Variants in RGL1 observed in about 807,000 individuals in gnomAD.
The protein encoded by RGL1 is ral guanine nucleotide dissociation stimulator like 1, also known as ral guanine nucleotide dissociation stimulator-like 1.
RGL1 carries 24 observed loss-of-function variants against 95.2 expected under a neutral mutation model. The observed-to-expected ratio is 0.25, with a 90% confidence interval of 0.18 to 0.35. RGL1 has a LOEUF of 0.35. RGL1 is among the 10% of genes least tolerant of loss of function. RGL1 has a pLI of 1.00. For missense variants in RGL1, 715 were observed against 936.3 expected, an observed-to-expected ratio of 0.76 and a Z score of 3.08; for synonymous variants, 329 against 344.9, an observed-to-expected ratio of 0.95 and a Z score of 0.51.
At position 183,658,391 on chromosome 1, in the gene RGL1, G is replaced by A. The variant is rs12095136; in HGVS notation, c.-33+21890G>A. ...TTTTCCAACAGGCTTAAAAAACGGC[G>A]CACCAGGAGATTATGTCCCGCACCT... On this transcript the variant is annotated intron_variant, in intron 1 of 18. Coordinates refer to the RGL1 transcript ENST00000304685. Among the ~76,000 whole-genome samples, 401 of 152,298 alleles carry A rather than the reference G, an allele frequency of 2.6e-3. 9 individuals are homozygous for A. The East Asian group carries it at 0.043, about 16-fold the overall frequency.
At chr1:183,657,268 A>G (rs950454387) in intron 1 of RGL1, among the ~76,000 whole-genome samples, 9 of 152,156 alleles carry the variant, frequency 5.9e-5, no homozygotes, top group African/African-American at 9.7e-5. Flanking sequence ...TACAGTTTTC[A>G]GTGTATAAAT....
intron 11 of RGL1, among the ~76,000 whole-genome samples, chr1:183,900,969 A>T (rs950939267): frequency 3.3e-5 from 5 of 151,510 alleles, no homozygotes; most frequent in Admixed American, 6.6e-5. Context: ...GTTCAAGACC[A>T]GCCTGGCCAA....
At chr1:183,788,138 C>A (rs565662867) in intron 2 of RGL1, among the ~76,000 whole-genome samples, 16 of 152,300 alleles carry the variant, frequency 1.1e-4, no homozygotes, top group African/African-American at 3.9e-4. Context: ...TCAGGGTTCA[C>A]TACAGATACA....
At chr1:183,897,982 C>A in intron 10 of RGL1, 85 bp downstream of exon 10, 1 of 1,104,078 alleles carries the variant, frequency 9.1e-7, no homozygotes, top group Non-Finnish European at 1.4e-6. Flanking sequence ...CTGGCACCTT[C>A]AGTCAACAGG....
Position 183,888,581 on chromosome 1 carries a change from A to G in RGL1, c.1055+4A>G. On this transcript the variant is annotated splice_donor_region_variant and intron_variant, in intron 8 of 17. Transcript: ENST00000360851. ...AGACTTGGGCTGCCGTCCCAAGGTA[A>G]GTTCCCAAGTGTTTGCTCTGCTTTT... The G allele has an allele frequency of 8.9e-6, 14 of 1,580,722 alleles. No individual in the cohort carries two copies. Among genetic ancestry groups the G allele is most frequent in the Non-Finnish European group, 1.2e-5 (14 of 1,149,780 alleles).
intron 2 of RGL1, among the ~76,000 whole-genome samples, chr1:183,749,245 T>C (rs1467106316): frequency 6.6e-6 from 1 of 152,188 alleles, no homozygotes; most frequent in Non-Finnish European, 1.5e-5. Flanking sequence ...TGTTATTTTG[T>C]GGGAGTCTAA....
chr1:183,849,482 A>AATTTTTTTTTTTTTTTTTTTTTTTTTT lies in RGL1; in HGVS notation c.347+1708_347+1709insATTTTTTTTTTTTTTTTTTTTTTTTTT, dbSNP rs150367802. Among the ~76,000 whole-genome samples the AATTTTTTTTTTTTTTTTTTTTTTTTTT allele has an allele frequency of 3.0e-5, 3 of 99,362 alleles. 1 individual carries two copies. The allele number at this position is 99,362 out of a possible 152,430, so 65.2% of individuals were successfully genotyped here. ...GACATTTAAGTTTTCTCCAGTTTTT[A>AATTTTTTTTTTTTTTTTTTTTTTTTTT]GTTTTTTTTTTTTTTTTTTTTTTTG... On this transcript the variant is annotated intron_variant, in intron 3 of 17. Coordinates refer to ENST00000360851, the MANE Select transcript of RGL1 (RefSeq NM_001297671.3).
At chr1:183,681,975 C>G (rs776801911) in intron 1 of RGL1, among the ~76,000 whole-genome samples, 1 of 152,166 alleles carries the variant, frequency 6.6e-6, no homozygotes, top group Non-Finnish European at 1.5e-5. Flanking sequence ...ATAGTATTCT[C>G]TGATGGTAGT....
chr1:183,834,476 T>C (rs1443348170), intron 2 of RGL1, among the ~76,000 whole-genome samples: 1 of 152,194 alleles, frequency 6.6e-6, no homozygotes, highest in Non-Finnish European at 1.5e-5. Context: ...TCTGTGAGGC[T>C]CCTGCTTATT....
At chr1:183,644,582 C>T (rs763669697) in intron 1 of RGL1, among the ~76,000 whole-genome samples, 5 of 152,100 alleles carry the variant, frequency 3.3e-5, no homozygotes, top group East Asian at 1.9e-4. Flanking sequence ...GTAGCCACCA[C>T]GCCTGGCCGA....
chr1:183,896,115 C>T (rs1338642232), intron 9 of RGL1, among the ~76,000 whole-genome samples: 1 of 152,234 alleles, frequency 6.6e-6, no homozygotes, highest in African/African-American at 2.4e-5. Context: ...AAGAGGTGGG[C>T]ACTCTTATTC....
At chr1:183,689,870 G>T (rs1176584487) in intron 1 of RGL1, among the ~76,000 whole-genome samples, 1 of 152,162 alleles carries the variant, frequency 6.6e-6, no homozygotes, top group East Asian at 1.9e-4. Context: ...GGTGCTGTGG[G>T]GGAAACTGCA....
At chr1:183,699,743 G>A (rs2102137815) in intron 1 of RGL1, among the ~76,000 whole-genome samples, 1 of 152,148 alleles carries the variant, frequency 6.6e-6, no homozygotes, top group South Asian at 2.1e-4. Flanking sequence ...CTAATACTCT[G>A]TCCCTTGTAC....
rs139744598 is a variant in RGL1 at position 183,719,390 on chromosome 1, C to G, written c.-32-22736C>G. 9.9e-5 allele frequency among the ~76,000 whole-genome samples: 15 copies of G among 152,284 alleles called. No homozygotes were observed. The East Asian group carries it at 2.7e-3, about 27-fold the overall frequency. On this transcript the variant is annotated intron_variant, in intron 1 of 18. Transcript: ENST00000304685. ...TACAGATTTTCCTTCTCTCCCTGTG[C>G]ACGTGTACCTCTAGAGTGTAGGGAG... is the stretch of plus-strand genomic sequence containing the variant.
intron 1 of RGL1, among the ~76,000 whole-genome samples, chr1:183,695,396 C>T (rs1558157564): frequency 6.6e-6 from 1 of 152,178 alleles, no homozygotes; most frequent in African/African-American, 2.4e-5. Context: ...ACTTGCTAGA[C>T]TCGTAAAGCA....
At chr1:183,863,800 C>G (rs1171220231) in intron 3 of RGL1, among the ~76,000 whole-genome samples, 2 of 152,068 alleles carry the variant, frequency 1.3e-5, no homozygotes, top group Non-Finnish European at 2.9e-5. Flanking sequence ...TATCCATGGC[C>G]CTTATTGGTG....
chr1:183,833,389 A>G (rs1663397360), intron 2 of RGL1, among the ~76,000 whole-genome samples: 1 of 152,190 alleles, frequency 6.6e-6, no homozygotes, highest in African/African-American at 2.4e-5. Flanking sequence ...ATCAATAGAG[A>G]TTCTGCAGTT....
chr1:183,838,172 G>T (rs567654415), intron 2 of RGL1, among the ~76,000 whole-genome samples: 1 of 152,310 alleles, frequency 6.6e-6, no homozygotes, highest in Non-Finnish European at 1.5e-5. Context: ...ATTTAAATTT[G>T]CTTTCTGGGA....
intron 1 of RGL1, among the ~76,000 whole-genome samples, chr1:183,690,058 G>A (rs116364809): frequency 6.6e-6 from 1 of 152,194 alleles, no homozygotes; most frequent in Admixed American, 6.5e-5. Flanking sequence ...GCTTGGAAAG[G>A]CTTCATGAGG....
Sources: gnomAD v4.1 joint callset for allele counts (sites outside exome capture counted in the v4.1 genomes callset) on GRCh38, gnomAD v4.1.1 for gene constraint, MANE v1.5 for transcripts, NCBI Gene and HGNC (gene_info 2026-07-23, HGNC 2026-07-21) for gene names.